The following PKIB variants were observed in gnomAD, a reference collection of about 807,000 sequenced individuals.
The protein encoded by PKIB is PKI-beta.
PKIB carries 2 observed loss-of-function variants against 4.5 expected under a neutral mutation model. The observed-to-expected ratio is 0.44, with a 90% CI of 0.18 to 1.39. PKIB has a LOEUF of 1.39. Ranked by LOEUF, PKIB falls within the 40% of genes most tolerant of loss-of-function variation. PKIB has a pLI of 0.27. For synonymous variants in PKIB, 38 were observed against 36.0 expected, an observed-to-expected ratio of 1.06 and a Z score of -0.20; for missense variants, 94 against 92.6, an observed-to-expected ratio of 1.02 and a Z score of -0.06.
At chr6:122,630,957 G>A (rs969245412) in intron 1 of PKIB, among the ~76,000 whole-genome samples, 1 of 152,160 alleles carries the variant, frequency 6.6e-6, no homozygotes, top group Non-Finnish European at 1.5e-5. Flanking sequence ...AGGGGTTGAA[G>A]GAGAGGAAAG....
chr6:122,718,130 A>G (rs1426395275), intron 4 of PKIB, among the ~76,000 whole-genome samples, 167 bp downstream of exon 4: 1 of 152,206 alleles, frequency 6.6e-6, no homozygotes, highest in East Asian at 1.9e-4. Flanking sequence ...AGCCTTTTCC[A>G]AAGTAGAATA....
At chr6:122,663,067 T>C (rs546370588) in intron 2 of PKIB, among the ~76,000 whole-genome samples, 3 of 152,204 alleles carry the variant, frequency 2.0e-5, no homozygotes, top group Non-Finnish European at 4.4e-5. Context: ...CTCTGTTCTT[T>C]TCAGTGTGTT....
intron 2 of PKIB, among the ~76,000 whole-genome samples, chr6:122,668,916 TAC>T (rs1416642085): frequency 1.3e-5 from 2 of 152,212 alleles, no homozygotes; most frequent in Non-Finnish European, 2.9e-5. Context: ...CATTTCTACT[TAC>T]AGACATCAGC....
chr6:122,481,129 C>T (rs1024892394), intron 2 of PKIB: 92 of 152,286 alleles, frequency 6.0e-4, no homozygotes, highest in African/African-American at 2.1e-3. Flanking sequence ...AAAGTTTTAA[C>T]ATCACCAGTA....
At chr6:122,614,589 A>T (rs1394750992) in intron 1 of PKIB, among the ~76,000 whole-genome samples, 4 of 152,178 alleles carry the variant, frequency 2.6e-5, no homozygotes, top group Non-Finnish European at 5.9e-5. Flanking sequence ...TAAAGGGAGA[A>T]CTGAAGTCCA....
intron 1 of PKIB, among the ~76,000 whole-genome samples, chr6:122,620,333 G>A (rs909954763): frequency 6.6e-6 from 1 of 152,102 alleles, no homozygotes; most frequent in African/African-American, 2.4e-5. Flanking sequence ...GGTCGTGTGT[G>A]TTTTTTTGAA....
chr6:122,577,997 G>A (rs561297655), intron 2 of PKIB, among the ~76,000 whole-genome samples: 19 of 151,866 alleles, frequency 1.3e-4, no homozygotes, highest in African/African-American at 4.3e-4. Flanking sequence ...CATAGTTAGA[G>A]GAGTTTTTTT....
At chr6:122,504,971 G>T (rs1189577172) in intron 2 of PKIB, among the ~76,000 whole-genome samples, 1 of 152,146 alleles carries the variant, frequency 6.6e-6, no homozygotes, top group Non-Finnish European at 1.5e-5. Context: ...AATGGAGGCT[G>T]CAAAACGCCC....
intron 2 of PKIB, among the ~76,000 whole-genome samples, chr6:122,523,760 G>A (rs962188468): frequency 2.6e-5 from 4 of 151,740 alleles, no homozygotes; most frequent in Non-Finnish European, 5.9e-5. Flanking sequence ...TCCAGCATGG[G>A]CAACACAGTG....
At chr6:122,479,050 T>A (rs1212285103) in intron 2 of PKIB, 6 of 152,186 alleles carry the variant, frequency 3.9e-5, no homozygotes, top group Non-Finnish European at 7.3e-5. Flanking sequence ...TGCCCCACCC[T>A]GCTTCTGCTT....
chr6:122,488,703 G>A (rs1364758055), intron 2 of PKIB, among the ~76,000 whole-genome samples: 3 of 152,030 alleles, frequency 2.0e-5, no homozygotes, highest in African/African-American at 4.8e-5. Flanking sequence ...CTTGTTCTAC[G>A]TTAGAGAAGA....
intron 2 of PKIB, among the ~76,000 whole-genome samples, chr6:122,537,137 T>G (rs1048439189): frequency 6.6e-6 from 1 of 152,086 alleles, no homozygotes; most frequent in Middle Eastern, 3.2e-3. Flanking sequence ...TCTTTATTCT[T>G]CTTTCTGACA....
intron 3 of PKIB, among the ~76,000 whole-genome samples, chr6:122,708,715 C>T (rs1326557392): frequency 6.6e-6 from 1 of 152,110 alleles, no homozygotes; most frequent in Non-Finnish European, 1.5e-5. Context: ...GTCACTGCAA[C>T]CTCCTCCTCC....
chr6:122,725,193 T>C lies in PKIB; in HGVS notation c.235T>C (p.Ter79ArgextTer9). The change falls in exon 5 of 5, where the codon TGA (stop) becomes CGA (arginine). Residue 79 changes from the stop codon to arginine, a stop_lost. Transcript: ENST00000368452. ...GGAAAAGCCTCAAAATGAAGAAAAA[T>C]GAAGGCTCATAATCTATCAAGAGTG... ...QLEKPQNEEK* is the reference protein window; with the variant it reads ...QLEKPQNEEKR 8.7e-6 allele frequency: 14 copies of C among 1,609,250 alleles called. No homozygotes were observed. Among genetic ancestry groups the C allele is most frequent in the Non-Finnish European group, 1.2e-5 (14 of 1,177,656 alleles).
intron 3 of PKIB, among the ~76,000 whole-genome samples, chr6:122,698,064 G>A (rs1049642946): frequency 2.0e-5 from 3 of 152,160 alleles, no homozygotes; most frequent in Admixed American, 6.5e-5. Flanking sequence ...TGTCTAGAGT[G>A]TGCCAATTGT....
At chr6:122,473,397 G>A (rs1261177937) in intron 1 of PKIB, among the ~76,000 whole-genome samples, 1 of 152,048 alleles carries the variant, frequency 6.6e-6, no homozygotes, top group East Asian at 1.9e-4. Flanking sequence ...ATAAGTTCTT[G>A]CACTATTCAA....
chr6:122,547,387 G>A (rs1413868698), intron 2 of PKIB, among the ~76,000 whole-genome samples: 1 of 152,036 alleles, frequency 6.6e-6, no homozygotes, highest in Non-Finnish European at 1.5e-5. Context: ...CCAGGCTGGA[G>A]TGCAATGGCA....
chr6:122,629,406 A>C (rs1775598249), intron 1 of PKIB, among the ~76,000 whole-genome samples: 2 of 151,142 alleles, frequency 1.3e-5, no homozygotes, highest in Admixed American at 6.6e-5. Context: ...TCATGAGTTC[A>C]TATCATTATG....
At chr6:122,637,687 C>T (rs534469245) in intron 2 of PKIB, among the ~76,000 whole-genome samples, 71 of 150,736 alleles carry the variant, frequency 4.7e-4, no homozygotes, top group Admixed American at 1.5e-3. Context: ...ACTCAGGAGA[C>T]GGAGCTTGCA....
Sources: allele counts gnomAD v4.1 joint callset (sites outside exome capture counted in the v4.1 genomes callset), GRCh38; gene constraint gnomAD v4.1.1; transcripts MANE v1.5; gene names NCBI Gene and HGNC (gene_info 2026-07-23, HGNC 2026-07-21).